Variants in HCN1 observed in about 807,000 individuals in gnomAD.
HCN1 encodes the protein potassium/sodium hyperpolarization-activated cyclic nucleotide-gated channel 1.
HCN1 carries 13 observed loss-of-function variants against 78.9 expected under a neutral mutation model. That is an observed-to-expected ratio of 0.16 (90% CI 0.11 to 0.26). The LOEUF is 0.26. Among genes scored for constraint, HCN1 ranks in the 10% least tolerant of loss-of-function variants. HCN1 has a pLI of 1.00. For synonymous variants in HCN1, 552 were observed against 455.5 expected, an observed-to-expected ratio of 1.21 and a Z score of -2.70; for missense variants, 810 against 1,154.3, an observed-to-expected ratio of 0.70 and a Z score of 4.32.
At chr5:45,510,914 G>A (rs1425049898) in intron 2 of HCN1, among the ~76,000 whole-genome samples, 1 of 151,976 alleles carries the variant, frequency 6.6e-6, no homozygotes, top group Non-Finnish European at 1.5e-5. Context: ...AATATTTAGT[G>A]GCCCTATTAA....
intron 5 of HCN1, among the ~76,000 whole-genome samples, chr5:45,319,948 C>T (rs1746089368): frequency 6.6e-6 from 1 of 151,792 alleles, no homozygotes; most frequent in Non-Finnish European, 1.5e-5. Context: ...CGTGAAACCT[C>T]TAATTCAGCT....
Position 45,372,146 on chromosome 5 carries a change from T to TAA in HCN1, c.1231-18901_1231-18900insTT, listed in dbSNP as rs1165411175. Among the ~76,000 whole-genome samples the TAA allele has an allele frequency of 7.4e-4, 40 of 54,046 alleles. 1 individual carries two copies. Among genetic ancestry groups the TAA allele is most frequent in the Non-Finnish European group, 9.3e-4 (34 of 36,564 alleles). The allele number at this position is 54,046 out of a possible 152,430, so 35.5% of individuals were successfully genotyped here. On this transcript the variant is annotated intron_variant, in intron 4 of 7. Transcript: ENST00000303230. ...ATTATATATATAATATAATAATATA[T>TAA]TATATAATATGTTATTATATATAAT...
chr5:45,493,827 A>C (rs1741955719), intron 2 of HCN1, among the ~76,000 whole-genome samples: 1 of 129,434 alleles, frequency 7.7e-6, no homozygotes, highest in Non-Finnish European at 1.5e-5. Flanking sequence ...TTCAATTCCC[A>C]CCTATGAGTG....
At chr5:45,413,741 C>G (rs1740067361) in intron 3 of HCN1, among the ~76,000 whole-genome samples, 1 of 151,816 alleles carries the variant, frequency 6.6e-6, no homozygotes, top group Non-Finnish European at 1.5e-5. Context: ...TAACATTAGC[C>G]ATATAGGAAA....
intron 2 of HCN1, chr5:45,575,664 T>C (rs748359223): frequency 6.6e-6 from 1 of 152,116 alleles, no homozygotes; most frequent in Non-Finnish European, 1.5e-5. Flanking sequence ...GTTTACAACA[T>C]AGTTTACCAA....
intron 2 of HCN1, among the ~76,000 whole-genome samples, chr5:45,577,892 A>G (rs1743982034): frequency 6.6e-6 from 1 of 152,084 alleles, no homozygotes; most frequent in African/African-American, 2.4e-5. Flanking sequence ...TAATATTAGT[A>G]ATTTTCAAAA....
intron 2 of HCN1, among the ~76,000 whole-genome samples, chr5:45,585,211 G>A (rs1307992916): frequency 6.6e-6 from 1 of 152,104 alleles, no homozygotes; most frequent in Non-Finnish European, 1.5e-5. Context: ...ATATTTCTTG[G>A]AGGCTTTGTT....
At chr5:45,370,857 G>T (rs1322068190) in intron 4 of HCN1, among the ~76,000 whole-genome samples, 2 of 152,036 alleles carry the variant, frequency 1.3e-5, no homozygotes, top group African/African-American at 2.4e-5. Context: ...AGTAATGGCA[G>T]TATAGTGATG....
At chr5:45,507,632 T>C (rs1185815537) in intron 2 of HCN1, among the ~76,000 whole-genome samples, 2 of 152,132 alleles carry the variant, frequency 1.3e-5, no homozygotes, top group South Asian at 2.1e-4. Flanking sequence ...AGCCTGCAAA[T>C]TGAGAATAAA....
chr5:45,632,058 AT>A (rs1247808169), intron 2 of HCN1, among the ~76,000 whole-genome samples: 1 of 152,074 alleles, frequency 6.6e-6, no homozygotes, highest in African/African-American at 2.4e-5. Context: ...AATTGCTTTT[AT>A]TTTTTATACA....
intron 6 of HCN1, 138 bp downstream of exon 6, chr5:45,303,461 T>A: frequency 1.2e-6 from 1 of 809,842 alleles, no homozygotes; most frequent in Non-Finnish European, 2.1e-6. Context: ...AAAACACTGT[T>A]ATAGACACTT....
chr5:45,334,945 C>T (rs1282767386), intron 5 of HCN1, among the ~76,000 whole-genome samples: 1 of 151,986 alleles, frequency 6.6e-6, no homozygotes, highest in African/African-American at 2.4e-5. Context: ...TTCAGAATTA[C>T]ACTAAATAAA....
rs1744670181 is a variant in HCN1 at position 45,258,663 on chromosome 5, T to C, written c.*3258A>G. 6.6e-6 allele frequency: 1 copy of C among 152,036 alleles called. No individual in the cohort carries two copies. The highest frequency in any genetic ancestry group is 1.5e-5 in the Non-Finnish European group (1 of 67,962). 9.4% of individuals were successfully genotyped at this position (152,036 alleles called of 1,614,324 possible). A position where few individuals can be genotyped will look rare whatever the true frequency, so the allele number is the denominator to read the frequency against. ...ACTTTGCAGGGCCCAAGGCTATAAATATGAATATATTTATACAAACCTATT... is the reference window on the plus strand; with the variant it reads ...ACTTTGCAGGGCCCAAGGCTATAAACATGAATATATTTATACAAACCTATT... On this transcript the variant is annotated 3_prime_UTR_variant, in exon 8 of 8. Coordinates refer to ENST00000303230, the MANE Select transcript of HCN1 (RefSeq NM_021072.4).
rs540646009 is a variant in HCN1 at position 45,530,802 on chromosome 5, C to T, written c.850-68795G>A. On this transcript the variant is annotated intron_variant, in intron 2 of 7. Coordinates refer to ENST00000303230, the MANE Select transcript of HCN1 (RefSeq NM_021072.4). Reference sequence around the variant, plus strand: ...GTGGTAGGTTCTATTATTAACATAACCATTTGACAGGTAACATAAATGATA... The same window carrying T: ...GTGGTAGGTTCTATTATTAACATAATCATTTGACAGGTAACATAAATGATA... Among the ~76,000 whole-genome samples the T allele has an allele frequency of 5.9e-5, 9 of 152,144 alleles. No homozygotes were observed. In the South Asian group the frequency reaches 1.9e-3, roughly 32 times the overall value.
chr5:45,292,559 C>T (rs1360367633), intron 6 of HCN1, among the ~76,000 whole-genome samples: 1 of 151,914 alleles, frequency 6.6e-6, no homozygotes, highest in African/African-American at 2.4e-5. Context: ...GGCATAAACT[C>T]TGAATTTCTC....
chr5:45,593,432 A>G (rs1744426083), intron 2 of HCN1, among the ~76,000 whole-genome samples: 1 of 151,714 alleles, frequency 6.6e-6, no homozygotes, highest in Admixed American at 6.6e-5. Flanking sequence ...ACAAATTGTA[A>G]CCTCTTATCC....
At chr5:45,605,257 A>T (rs1579995233) in intron 2 of HCN1, among the ~76,000 whole-genome samples, 1 of 152,122 alleles carries the variant, frequency 6.6e-6, no homozygotes, top group East Asian at 1.9e-4. Flanking sequence ...ATGTAATTTT[A>T]ATCATATCTC....
At chr5:45,595,431 G>T (rs1744470055) in intron 2 of HCN1, among the ~76,000 whole-genome samples, 1 of 152,060 alleles carries the variant, frequency 6.6e-6, no homozygotes, top group African/African-American at 2.4e-5. Context: ...TCCACCTCCT[G>T]GGTTCAAGCA....
intron 6 of HCN1, among the ~76,000 whole-genome samples, chr5:45,273,945 T>C (rs1265617694): frequency 2.6e-5 from 4 of 152,214 alleles, no homozygotes; most frequent in East Asian, 1.9e-4. Flanking sequence ...GGGTATCAAA[T>C]AGATTTGAAT....
Sources: allele counts gnomAD v4.1 joint callset (sites outside exome capture counted in the v4.1 genomes callset), GRCh38; gene constraint gnomAD v4.1.1; transcripts MANE v1.5; gene names NCBI Gene and HGNC (gene_info 2026-07-23, HGNC 2026-07-21).